KCNH8: variants seen among roughly 807,000 people sequenced by gnomAD.
KCNH8 encodes voltage-gated delayed rectifier potassium channel KCNH8.
In KCNH8, 70 loss-of-function variants were observed where a neutral mutation model predicts 103.6. That is an observed-to-expected ratio of 0.68 (90% confidence interval 0.56 to 0.82). The LOEUF is 0.82. KCNH8 is among the 40% of genes least tolerant of loss of function. The probability of loss-of-function intolerance (pLI) is 0.00; values close to 1 mark genes in which losing one functional copy is unlikely to be tolerated. For synonymous variants in KCNH8, 498 were observed against 489.4 expected, an observed-to-expected ratio of 1.02 and a Z score of -0.23; for missense variants, 1,217 against 1,329.9, an observed-to-expected ratio of 0.92 and a Z score of 1.32.
chr3:19,373,376 T>C (rs966715430), intron 5 of KCNH8, among the ~76,000 whole-genome samples: 11 of 152,210 alleles, frequency 7.2e-5, no homozygotes, highest in Non-Finnish European at 1.6e-4. Flanking sequence ...CCATTTCTTC[T>C]AGATTTTCTA....
chr3:19,502,747 C>A (rs1312265308), intron 11 of KCNH8, among the ~76,000 whole-genome samples: 1 of 148,992 alleles, frequency 6.7e-6, no homozygotes, highest in Non-Finnish European at 1.5e-5. Flanking sequence ...AAACTGGATC[C>A]CTTCCTTACA....
At chr3:19,217,259 T>A (rs2063827110) in intron 1 of KCNH8, among the ~76,000 whole-genome samples, 1 of 152,200 alleles carries the variant, frequency 6.6e-6, no homozygotes, top group African/African-American at 2.4e-5. Context: ...CTTACATTTC[T>A]ATAGTTTATA....
At chr3:19,170,808 ATATT>A (rs1458790274) in intron 1 of KCNH8, among the ~76,000 whole-genome samples, 2 of 100,198 alleles carry the variant, frequency 2.0e-5, no homozygotes, top group Non-Finnish European at 3.7e-5. Flanking sequence ...ATATATATAT[ATATT>A]TTTTTTTTTT....
chr3:19,523,562 C>T (rs1298817345), intron 15 of KCNH8, among the ~76,000 whole-genome samples: 2 of 151,990 alleles, frequency 1.3e-5, no homozygotes, highest in East Asian at 1.9e-4. Context: ...GGGGCTGCAC[C>T]ATCTGGAATG....
At chr3:19,469,359 T>C (rs1401756153) in intron 11 of KCNH8, among the ~76,000 whole-genome samples, 1 of 152,210 alleles carries the variant, frequency 6.6e-6, no homozygotes, top group African/African-American at 2.4e-5. Flanking sequence ...AAGAAAATGT[T>C]AGATAGGAAA....
chr3:19,260,821 T>C (rs1302893694), intron 2 of KCNH8, among the ~76,000 whole-genome samples: 3 of 149,692 alleles, frequency 2.0e-5, no homozygotes, highest in East Asian at 2.0e-4. Context: ...TGATCTGTTT[T>C]TCAGCTTATG....
chr3:19,211,953 G>A (rs1048891087), intron 1 of KCNH8, among the ~76,000 whole-genome samples: 1 of 152,166 alleles, frequency 6.6e-6, no homozygotes, highest in African/African-American at 2.4e-5. Flanking sequence ...GAACACTGAG[G>A]ATGATAGGTA....
intron 1 of KCNH8, among the ~76,000 whole-genome samples, chr3:19,209,176 C>T (rs1021748800): frequency 9.2e-5 from 14 of 151,884 alleles, no homozygotes; most frequent in Admixed American, 2.0e-4. Context: ...ATATATATTA[C>T]ACCTTCTCAG....
At chr3:19,201,264 A>T (rs139357878) in intron 1 of KCNH8, among the ~76,000 whole-genome samples, 2,243 of 144,540 alleles carry the variant, frequency 0.016, 60 homozygotes, top group African/African-American at 0.056. Flanking sequence ...AAAAAAAAAG[A>T]AAAGAAAATT....
At chr3:19,215,029 T>G (rs2063805082) in intron 1 of KCNH8, among the ~76,000 whole-genome samples, 1 of 152,204 alleles carries the variant, frequency 6.6e-6, no homozygotes, top group Admixed American at 6.5e-5. Context: ...CATGGAGGCT[T>G]ACACATACCC....
At chr3:19,341,846 C>T (rs1333275168) in intron 3 of KCNH8, among the ~76,000 whole-genome samples, 1 of 152,040 alleles carries the variant, frequency 6.6e-6, no homozygotes, top group Non-Finnish European at 1.5e-5. Context: ...CTTGCTGGTA[C>T]TGTAAATTGC....
At chr3:19,385,705 G>C (rs547102026) in intron 5 of KCNH8, among the ~76,000 whole-genome samples, 1 of 152,168 alleles carries the variant, frequency 6.6e-6, no homozygotes, top group African/African-American at 2.4e-5. Context: ...TCTCTTCATT[G>C]ATCAGCTCTC....
intron 7 of KCNH8, among the ~76,000 whole-genome samples, chr3:19,432,978 G>T (rs17005954): frequency 3.9e-5 from 6 of 152,110 alleles, no homozygotes; most frequent in Middle Eastern, 6.8e-3. Flanking sequence ...AGATTGTTTA[G>T]GGTTTTTTTG....
chr3:19,463,510 A>T (rs2067676283), intron 11 of KCNH8, among the ~76,000 whole-genome samples: 1 of 152,160 alleles, frequency 6.6e-6, no homozygotes, highest in Non-Finnish European at 1.5e-5. Context: ...ACAAGCAGAT[A>T]AAAAATATGC....
chr3:19,498,369 G>C (rs576423002), intron 11 of KCNH8, among the ~76,000 whole-genome samples: 45 of 152,176 alleles, frequency 3.0e-4, no homozygotes, highest in African/African-American at 1.1e-3. Context: ...GTAGTGGCTG[G>C]TATGTTTGTT....
intron 1 of KCNH8, among the ~76,000 whole-genome samples, chr3:19,228,360 C>T (rs13093165): frequency 0.31 from 46,511 of 152,108 alleles, 9,266 homozygotes; most frequent in Non-Finnish European, 0.45. Context: ...CTAATCCCTA[C>T]TCTAAAATCT....
chr3:19,512,838 A>G, intron 12 of KCNH8, 132 bp from the exon 13 acceptor site: 1 of 778,960 alleles, frequency 1.3e-6, no homozygotes, highest in Non-Finnish European at 2.1e-6. Context: ...AAAATCTGCA[A>G]AGACTTCAGT....
chr3:19,179,056 T>A (rs1390367176), intron 1 of KCNH8, among the ~76,000 whole-genome samples: 1 of 152,090 alleles, frequency 6.6e-6, no homozygotes, highest in Non-Finnish European at 1.5e-5. Flanking sequence ...AAAGGATATA[T>A]TTTTAGTGTA....
intron 1 of KCNH8, among the ~76,000 whole-genome samples, chr3:19,157,240 C>T (rs2063189895): frequency 6.6e-6 from 1 of 152,000 alleles, no homozygotes; most frequent in Non-Finnish European, 1.5e-5. Context: ...GCTATTCCTT[C>T]AATGGAGAGA....
Sources: gnomAD v4.1 joint callset for allele counts (sites outside exome capture counted in the v4.1 genomes callset) on GRCh38, gnomAD v4.1.1 for gene constraint, MANE v1.5 for transcripts, NCBI Gene and HGNC (gene_info 2026-07-23, HGNC 2026-07-21) for gene names.